KRT86: variants seen among roughly 807,000 people sequenced by gnomAD.
KRT86 encodes keratin, type II cuticular Hb6.
Under a neutral mutation model 41.2 loss-of-function variants are expected in KRT86, and 30 were observed. That is an observed-to-expected ratio of 0.73 (90% confidence interval 0.54 to 0.99). The LOEUF (loss-of-function observed/expected upper bound fraction) is 0.99. Among genes scored for constraint, KRT86 ranks in the 50% least tolerant of loss-of-function variants. The pLI is 0.00. For synonymous variants in KRT86, 238 were observed against 238.1 expected (o/e 1.00, Z 0.00); for missense variants, 561 against 571.4 (o/e 0.98, Z 0.19).
rs569778698 is a variant in KRT86, at chr12:52,281,511, C to T, written c.-5+5565C>T. Among the ~76,000 whole-genome samples, 4 of 152,262 alleles carry T rather than the reference C, an allele frequency of 2.6e-5. 1 individual carries two copies. The highest frequency in any genetic ancestry group is 4.8e-5 in the African/African-American group (2 of 41,564). On this transcript the variant is annotated intron_variant, in intron 2 of 10. Transcript: ENST00000423955. ...TTTTTGACCATTGGCATGTGGCATTCTGCATAACCCCTTGGAAGTCTCTTG... is the reference window on the plus strand; with the variant it reads ...TTTTTGACCATTGGCATGTGGCATTTTGCATAACCCCTTGGAAGTCTCTTG...
intron 2 of KRT86, chr12:52,291,508 C>A (rs758210072): frequency 6.2e-7 from 1 of 1,607,580 alleles, no homozygotes; most frequent in Non-Finnish European, 8.5e-7. Flanking sequence ...GGATAGGGGA[C>A]CTGGAGTCCT....
At chr12:52,301,886 T>C in intron 2 of KRT86, 27 bp from the exon 3 acceptor site, 1 of 1,613,750 alleles carries the variant, frequency 6.2e-7, no homozygotes, top group Non-Finnish European at 8.5e-7. Context: ...GTCTCCATCC[T>C]CAGAACCTCC....
intron 3 of KRT86, among the ~76,000 whole-genome samples, chr12:52,302,885 C>G (rs1938419103): frequency 7.0e-6 from 1 of 142,986 alleles, no homozygotes; most frequent in Non-Finnish European, 1.5e-5. Context: ...GCACTGACAC[C>G]ACCCAGCCCT....
chr12:52,293,979 A>C (rs1288805195), intron 2 of KRT86, among the ~76,000 whole-genome samples: 1 of 152,194 alleles, frequency 6.6e-6, no homozygotes, highest in Non-Finnish European at 1.5e-5. Context: ...TAGGGCTCTC[A>C]GGGTATCTGT....
intron 2 of KRT86, chr12:52,279,084 T>A (rs1475585627): frequency 1.7e-5 from 2 of 117,164 alleles, no homozygotes; most frequent in African/African-American, 5.5e-5. Flanking sequence ...CGTCCTCCGT[T>A]CAGCCGGGCT....
At chr12:52,307,254 G>A (rs931003088) in intron 9 of KRT86, among the ~76,000 whole-genome samples, 1 of 152,186 alleles carries the variant, frequency 6.6e-6, no homozygotes, top group Admixed American at 6.5e-5. Flanking sequence ...CTGGGCCTGG[G>A]GAATTTCATA....
chr12:52,283,770 A>G (rs771950253), intron 2 of KRT86, among the ~76,000 whole-genome samples: 1 of 152,236 alleles, frequency 6.6e-6, no homozygotes, highest in Non-Finnish European at 1.5e-5. Context: ...GTGAGCCACC[A>G]CGCCCAGCCC....
At chr12:52,286,987 T>C in intron 2 of KRT86, 3 of 1,584,094 alleles carry the variant, frequency 1.9e-6, no homozygotes, top group Non-Finnish European at 2.6e-6. Context: ...ACACCGGAAG[T>C]GAATAATAAT....
Position 52,305,279 on chromosome 12 carries a change from G to A in KRT86, c.775G>A (p.Val259Met), listed in dbSNP as rs369679589. 80 of 1,614,084 alleles carry A rather than the reference G, an allele frequency of 5.0e-5. No homozygotes were observed. Among genetic ancestry groups the A allele is most frequent in the Non-Finnish European group, 6.4e-5 (75 of 1,180,042 alleles). ...VLQSHISDTS[V>M]VVKLDNSRDL... ...CCAGTCCCACATCTCAGACACCTCCGTGGTTGTCAAGCTGGACAACAGCCG... is the reference window on the plus strand; with the variant it reads ...CCAGTCCCACATCTCAGACACCTCCATGGTTGTCAAGCTGGACAACAGCCG... The change falls in exon 7 of 11, where the codon GTG becomes ATG. Residue 259 changes from valine (V) to methionine (M), a missense_variant. Transcript: ENST00000423955.
Position 52,308,277 on chromosome 12 carries a change from G to A in KRT86, c.1279+13G>A, listed in dbSNP as rs759670371. On this transcript the variant is annotated intron_variant, in intron 10 of 10. Transcript: ENST00000423955. ...TCGGTGAATGTCTGTAAGTAGTGGG[G>A]TCCGTCCCCTCCTCCCGCTGGGCGG... 1 of 1,614,184 alleles carries A rather than the reference G, an allele frequency of 6.2e-7. No homozygotes were observed. The highest frequency in any genetic ancestry group is 8.5e-7 in the Non-Finnish European group (1 of 1,180,042).
Position 52,275,862 on chromosome 12 carries a change from C to A in KRT86, c.-89C>A. On this transcript the variant is annotated 5_prime_UTR_variant, in exon 2 of 11. Transcript: ENST00000423955. ...CAACTGTGCAGAAACACACGCAGAG[C>A]CTGAAGCCCAGCAAGGAGGATCTGA... The A allele has an allele frequency of 2.0e-6, 2 of 985,954 alleles. No homozygotes were observed. The highest frequency in any genetic ancestry group is 1.2e-6 in the Non-Finnish European group (1 of 829,966). The allele number at this position is 985,954 out of a possible 1,614,324, so 61.1% of individuals were successfully genotyped here. A position where few individuals can be genotyped will look rare whatever the true frequency, so the allele number is the denominator to read the frequency against.
At chr12:52,307,288 G>A (rs1938540793) in intron 9 of KRT86, among the ~76,000 whole-genome samples, 1 of 152,214 alleles carries the variant, frequency 6.6e-6, no homozygotes, top group African/African-American at 2.4e-5. Context: ...GGGAGGAGGA[G>A]TTTTCCAAGT....
rs138690686 is a variant in KRT86 at position 52,277,343 on chromosome 12, CA to C, written c.-5+1400del. Reference sequence around the variant, plus strand: ...GGTTCTTTTCATCTTGCCATACAGACAAACAAACACAAGTTTTGGAACAGGT... The same window carrying C: ...GGTTCTTTTCATCTTGCCATACAGACAACAAACACAAGTTTTGGAACAGGT... On this transcript the variant is annotated intron_variant, in intron 2 of 10. Transcript: ENST00000423955. 8.7e-3 allele frequency among the ~76,000 whole-genome samples: 1,321 copies of C among 152,176 alleles called. 21 individuals are homozygous for C. Among genetic ancestry groups the C allele is most frequent in the African/African-American group, 0.03 (1,229 of 41,496 alleles).
chr12:52,306,230 G>C lies in KRT86; in HGVS notation c.1197G>C (p.Leu399=). The change falls in exon 9 of 11, where the codon CTG becomes CTC. Residue 399 remains leucine (L), a synonymous_variant. Transcript: ENST00000423955. ...AGGTGATGAACTCCAAGCTGGGCCT[G>C]GACATCGAGATCGCCACCTACAGGC... ...YQEVMNSKLG[L]DIEIATYRRL... 1 of 1,613,708 alleles carries C rather than the reference G, an allele frequency of 6.2e-7. No homozygotes were observed. The highest frequency in any genetic ancestry group is 8.5e-7 in the Non-Finnish European group (1 of 1,180,024).
chr12:52,305,384 G>C lies in KRT86; in HGVS notation c.880G>C (p.Glu294Gln). Residue 294 changes from glutamate to glutamine, a missense_variant, in exon 7 of 11, where the codon GAG (glutamate) becomes CAG (glutamine). Coordinates refer to ENST00000423955, the MANE Select transcript of KRT86 (RefSeq NM_001320198.2). ...TGTCACCCGTAGCCGGGCTGAGGCC[G>C]AGTCCTGGTACCGCAGCAAGGTGAG... ...DIVTRSRAEAESWYRSKCEEM... is the reference protein window; with the variant it reads ...DIVTRSRAEAQSWYRSKCEEM... 1 of 1,614,204 alleles carries C rather than the reference G, an allele frequency of 6.2e-7. No homozygotes were observed. Among genetic ancestry groups the C allele is most frequent in the South Asian group, 1.1e-5 (1 of 91,084 alleles).
Position 52,305,760 on chromosome 12 carries a change from C to G in KRT86, c.998C>G (p.Thr333Arg). Reference sequence around the variant, plus strand: ...CTGAACCGCATGATCCAGAGGCTGACGGCTGAGGTGGAGAATGCCAAGTGC... The same window carrying G: ...CTGAACCGCATGATCCAGAGGCTGAGGGCTGAGGTGGAGAATGCCAAGTGC... ...NELNRMIQRL[T>R]AEVENAKCQN... The change falls in exon 8 of 11, where the codon ACG (threonine) becomes AGG (arginine). Residue 333 changes from threonine to arginine, a missense_variant. Around this residue, in one of 3 missense-constraint regions of KRT86, gnomAD observed 397 missense variants for 375.9 expected, o/e 1.06. Transcript: ENST00000423955. 1 of 1,614,040 alleles carries G rather than the reference C, an allele frequency of 6.2e-7. No individual in the cohort carries two copies. The highest frequency in any genetic ancestry group is 1.3e-5 in the African/African-American group (1 of 75,042).
rs772604686 is a variant in KRT86, at chr12:52,288,055, C to T, written c.-5+12109C>T. 18 of 1,614,106 alleles carry T rather than the reference C, an allele frequency of 1.1e-5. No homozygotes were observed. The Middle Eastern group carries it at 4.9e-4, about 44-fold the overall frequency. ...ATGTCGTCATACTGTGCCTTAATCT[C>T]GGCAATGATGCAGTCCATGTTCAGG... On this transcript the variant is annotated intron_variant, in intron 2 of 10. Transcript: ENST00000423955.
chr12:52,308,430 G>A lies in KRT86; in HGVS notation c.1306G>A (p.Val436Ile). 1.2e-6 allele frequency: 2 copies of A among 1,611,966 alleles called. No homozygotes were observed. The highest frequency in any genetic ancestry group is 1.7e-6 in the Non-Finnish European group (2 of 1,179,704). The change falls in exon 11 of 11, where the codon GTC (valine) becomes ATC (isoleucine). Residue 436 changes from valine to isoleucine, a missense_variant. Physicochemically the swap from Val to Ile is conservative, Grantham distance 29 (BLOSUM62 3). Transcript: ENST00000423955. The stretch of plus-strand genomic sequence containing the variant: ...CGTCAGCAGCTCCCGCGGTGGCGTT[G>A]TCTGTGGCGATCTCTGCGCCTCCAC... ...VCVSSSRGGV[V>I]CGDLCASTTA...
chr12:52,288,011 G>T (rs200239075), intron 2 of KRT86: 10 of 1,614,204 alleles, frequency 6.2e-6, no homozygotes, highest in Non-Finnish European at 7.6e-6. Context: ...ACTCGGCCTC[G>T]GCCCGGCTGC....
Sources: allele counts gnomAD v4.1 joint callset (sites outside exome capture counted in the v4.1 genomes callset), GRCh38; gene constraint gnomAD v4.1.1; regional missense constraint gnomAD v4.1.1; transcripts MANE v1.5; gene names NCBI Gene and HGNC (gene_info 2026-07-23, HGNC 2026-07-21).